The following BABAM2 variants were observed in gnomAD, a reference collection of about 807,000 sequenced individuals.
BABAM2 encodes BRISC and BRCA1 A complex member 2, also known as BRISC and BRCA1-A complex member 2.
BABAM2 carries 31 observed loss-of-function variants against 54.7 expected under a neutral mutation model. That is an observed-to-expected ratio of 0.57 (90% CI 0.43 to 0.77). BABAM2 has a LOEUF of 0.77. Among genes scored for constraint, BABAM2 ranks in the 30% least tolerant of loss-of-function variants. BABAM2 has a pLI of 0.00. For synonymous variants in BABAM2, 167 were observed against 162.9 expected (o/e 1.03, Z -0.19); for missense variants, 364 against 455.8 (o/e 0.80, Z 1.83).
chr2:28,304,343 A>G lies in BABAM2; in HGVS notation c.1088+5852A>G, dbSNP rs185449667. On this transcript the variant is annotated intron_variant, in intron 11 of 11. Transcript: ENST00000379624. This position sits in a 1 kb window ranked among gnomAD's most constrained non-coding sequence, Gnocchi z 4.0. Reference sequence around the variant, plus strand: ...AGTGCTGGCATTACAGGCATGAGCCACTGCATTCCACCTGTTTTTGCTTTT... The same window carrying G: ...AGTGCTGGCATTACAGGCATGAGCCGCTGCATTCCACCTGTTTTTGCTTTT... 0.017 allele frequency among the ~76,000 whole-genome samples: 2,503 copies of G among 151,576 alleles called. 26 individuals carry two copies. The highest frequency in any genetic ancestry group is 0.038 in the South Asian group (183 of 4,810).
chr2:28,173,672 T>G (rs1438459227), intron 7 of BABAM2, among the ~76,000 whole-genome samples: 1 of 152,262 alleles, frequency 6.6e-6, no homozygotes, highest in Admixed American at 6.5e-5. Flanking sequence ...ATCCCTAATC[T>G]TTCCTTGCTG....
intron 11 of BABAM2, chr2:28,310,488 C>T: frequency 4.5e-6 from 1 of 222,204 alleles, no homozygotes; most frequent in Non-Finnish European, 9.0e-6. Flanking sequence ...CCCTGTTTAT[C>T]CTGCTTTCTC....
chr2:28,043,126 A>G (rs1363073604), intron 5 of BABAM2, among the ~76,000 whole-genome samples: 1 of 150,456 alleles, frequency 6.6e-6, no homozygotes, highest in African/African-American at 2.4e-5. Flanking sequence ...AGTTGTTGGG[A>G]GCATGTTTTT....
At chr2:28,185,581 T>C (rs2147899182) in intron 7 of BABAM2, among the ~76,000 whole-genome samples, 1 of 152,284 alleles carries the variant, frequency 6.6e-6, no homozygotes, top group South Asian at 2.1e-4. Context: ...TCTCGATGCA[T>C]TTTTTTGTAT....
At chr2:28,283,965 T>C (rs760611017) in intron 10 of BABAM2, among the ~76,000 whole-genome samples, 27 of 152,214 alleles carry the variant, frequency 1.8e-4, no homozygotes, top group Non-Finnish European at 3.7e-4. Context: ...ACTGTGAATA[T>C]GCATGCTTTT....
intron 6 of BABAM2, among the ~76,000 whole-genome samples, chr2:28,125,716 A>G (rs907506852): frequency 5.3e-5 from 8 of 152,230 alleles, no homozygotes; most frequent in African/African-American, 1.9e-4. Context: ...CTACTAACAA[A>G]TGCACACACA....
chr2:28,292,939 T>C (rs1687407731), intron 10 of BABAM2, among the ~76,000 whole-genome samples: 2 of 152,120 alleles, frequency 1.3e-5, no homozygotes, highest in Admixed American at 6.6e-5. Flanking sequence ...ACTGCCAAGA[T>C]TGGGAGTGAA....
intron 7 of BABAM2, among the ~76,000 whole-genome samples, chr2:28,168,774 A>G (rs533049732): frequency 1.8e-4 from 27 of 152,308 alleles, no homozygotes; most frequent in African/African-American, 6.5e-4. Context: ...AGGAAGATTA[A>G]TTAGTGTCTT....
chr2:28,023,700 C>T (rs1216505251), intron 4 of BABAM2, among the ~76,000 whole-genome samples: 2 of 152,186 alleles, frequency 1.3e-5, no homozygotes, highest in Admixed American at 6.5e-5. Context: ...TTATGAATTT[C>T]CCCATTGTCA....
chr2:27,981,970 A>C (rs149183271), intron 3 of BABAM2, among the ~76,000 whole-genome samples: 71 of 152,280 alleles, frequency 4.7e-4, no homozygotes, highest in African/African-American at 1.7e-3. Flanking sequence ...TTGCATTCAC[A>C]CCAGCAGTGT....
At chr2:28,007,652 T>A (rs1401512050) in intron 4 of BABAM2, among the ~76,000 whole-genome samples, 1 of 152,178 alleles carries the variant, frequency 6.6e-6, no homozygotes, top group African/African-American at 2.4e-5. Context: ...TTTAATGTGC[T>A]ATTTTGTATC....
chr2:28,146,893 G>T (rs533015272), intron 7 of BABAM2, among the ~76,000 whole-genome samples: 1 of 152,184 alleles, frequency 6.6e-6, no homozygotes. Flanking sequence ...CAGGACCCCC[G>T]AAGGGAGTAC....
chr2:28,112,101 C>CT (rs1202967547), intron 6 of BABAM2, among the ~76,000 whole-genome samples: 3 of 8,194 alleles, frequency 3.7e-4, no homozygotes, highest in Admixed American at 1.4e-3. Flanking sequence ...TTCTTTCTTT[C>CT]TTTCTTTCTT....
intron 7 of BABAM2, among the ~76,000 whole-genome samples, chr2:28,184,807 G>A (rs1343271353): frequency 1.3e-5 from 2 of 152,156 alleles, no homozygotes. Flanking sequence ...CTTTATAGCA[G>A]CATGATTTAT....
At chr2:28,022,262 C>T (rs1675326663) in intron 4 of BABAM2, among the ~76,000 whole-genome samples, 1 of 152,208 alleles carries the variant, frequency 6.6e-6, no homozygotes, top group Non-Finnish European at 1.5e-5. Context: ...TGAGTTCGCT[C>T]ATGACCACAA....
chr2:28,062,732 T>C (rs1678996860), intron 6 of BABAM2, among the ~76,000 whole-genome samples: 2 of 152,222 alleles, frequency 1.3e-5, no homozygotes, highest in Admixed American at 1.3e-4. Context: ...AATCAATCCT[T>C]CTTATAAGCT....
Position 28,025,296 on chromosome 2 carries a change from A to G in BABAM2, c.371A>G (p.Tyr124Cys). The G allele has an allele frequency of 6.2e-7, 1 of 1,612,870 alleles. No homozygotes were observed. The highest frequency in any genetic ancestry group is 8.5e-7 in the Non-Finnish European group (1 of 1,179,718). Residue 124 changes from tyrosine (Y) to cysteine (C), a missense_variant, in exon 5 of 12, where the codon TAT becomes TGT. Transcript: ENST00000379624. ...GTGGTGAAGGAACTTGTGCAACAAT[A>G]TCACCAATTCCAATGTAGCCGCCTC... ...LLVVKELVQQ[Y>C]HQFQCSRLRE...
At chr2:28,316,900 A>G (rs556364856) in intron 11 of BABAM2, among the ~76,000 whole-genome samples, 8 of 152,200 alleles carry the variant, frequency 5.3e-5, no homozygotes, top group African/African-American at 1.7e-4. Flanking sequence ...CCAAGGTCAC[A>G]GATTTTGAGT....
At chr2:28,028,957 G>T (rs947541580) in intron 5 of BABAM2, among the ~76,000 whole-genome samples, 11 of 151,946 alleles carry the variant, frequency 7.2e-5, no homozygotes, top group African/African-American at 2.7e-4. Flanking sequence ...AGTAGAGACG[G>T]GATTTCACTA....
Sources: allele counts gnomAD v4.1 joint callset (sites outside exome capture counted in the v4.1 genomes callset), GRCh38; gene constraint gnomAD v4.1.1; non-coding constraint Gnocchi (gnomAD v3.1); transcripts MANE v1.5; gene names NCBI Gene and HGNC (gene_info 2026-07-23, HGNC 2026-07-21).